PRKG1: variants seen among roughly 807,000 people sequenced by gnomAD.
The protein encoded by PRKG1 is cGMP-dependent protein kinase 1.
PRKG1 carries 35 observed loss-of-function variants against 88.1 expected under a neutral mutation model. The observed-to-expected ratio is 0.40, with a 90% CI of 0.30 to 0.53. PRKG1 has a LOEUF of 0.53. Among genes scored for constraint, PRKG1 ranks in the 20% least tolerant of loss-of-function variants. The pLI, the probability that PRKG1 is intolerant of heterozygous loss-of-function variation, is 0.59. For missense variants in PRKG1, 540 were observed against 839.8 expected, an observed-to-expected ratio of 0.64 and a Z score of 4.41; for synonymous variants, 303 against 292.5, an observed-to-expected ratio of 1.04 and a Z score of -0.37.
intron 7 of PRKG1, among the ~76,000 whole-genome samples, chr10:52,117,015 G>T (rs1262572421): frequency 6.6e-6 from 1 of 152,000 alleles, no homozygotes; most frequent in East Asian, 1.9e-4. Flanking sequence ...TAATGTAGTG[G>T]TTAATGCACC....
At chr10:51,487,568 C>T (rs1265340022) in intron 3 of PRKG1, among the ~76,000 whole-genome samples, 6 of 152,014 alleles carry the variant, frequency 3.9e-5, no homozygotes, top group Admixed American at 6.6e-5. Context: ...AATCCCTTTC[C>T]GTTGAGGATG....
intron 4 of PRKG1, among the ~76,000 whole-genome samples, chr10:51,820,739 C>T (rs1333034683): frequency 6.6e-6 from 1 of 152,202 alleles, no homozygotes; most frequent in Non-Finnish European, 1.5e-5. Flanking sequence ...TTTAAGCCTA[C>T]TGTACGCACT....
intron 7 of PRKG1, among the ~76,000 whole-genome samples, chr10:52,098,909 C>T (rs1193660704): frequency 6.6e-6 from 1 of 152,028 alleles, no homozygotes; most frequent in Non-Finnish European, 1.5e-5. Context: ...TCCATGAATG[C>T]CTTTATAATA....
chr10:51,665,554 A>G lies in PRKG1; in HGVS notation c.593-139031A>G, dbSNP rs544125418. ...TCCCTTTTCTCTTTTGTAAGCCAAGATTCTATTTTGTACCTAATTGTACAT... is the reference window on the plus strand; with the variant it reads ...TCCCTTTTCTCTTTTGTAAGCCAAGGTTCTATTTTGTACCTAATTGTACAT... On this transcript the variant is annotated intron_variant, in intron 3 of 17. Coordinates refer to ENST00000373980, the MANE Select transcript of PRKG1 (RefSeq NM_006258.4). 1.3e-3 allele frequency among the ~76,000 whole-genome samples: 197 copies of G among 152,262 alleles called. 1 individual carries two copies. The highest frequency in any genetic ancestry group is 6.9e-3 in the Middle Eastern group (2 of 290).
intron 2 of PRKG1, among the ~76,000 whole-genome samples, chr10:51,169,776 C>A (rs1373704784): frequency 6.6e-6 from 1 of 150,376 alleles, no homozygotes; most frequent in Non-Finnish European, 1.5e-5. Context: ...AGGAAATTAT[C>A]TAACCTTTTT....
At chr10:52,096,207 G>A (rs762076618) in intron 7 of PRKG1, among the ~76,000 whole-genome samples, 10 of 152,184 alleles carry the variant, frequency 6.6e-5, no homozygotes, top group Non-Finnish European at 1.3e-4. Flanking sequence ...GTCTCAGACT[G>A]TAGGCTTTAG....
chr10:50,999,117 A>G (rs1483154793), intron 1 of PRKG1, among the ~76,000 whole-genome samples: 1 of 152,188 alleles, frequency 6.6e-6, no homozygotes, highest in Non-Finnish European at 1.5e-5. Context: ...GTTTATATTG[A>G]CTCAAAAGTT....
chr10:51,891,694 A>G (rs548922330), intron 4 of PRKG1, among the ~76,000 whole-genome samples: 2 of 152,312 alleles, frequency 1.3e-5, no homozygotes, highest in Admixed American at 1.3e-4. Flanking sequence ...ATAGGTTTGC[A>G]GGTCATATGG....
Position 52,166,880 on chromosome 10 carries a change from TACACACACAC to T in PRKG1, c.1076+4945_1076+4954del, listed in dbSNP as rs143459696. On this transcript the variant is annotated intron_variant, in intron 9 of 17. Transcript: ENST00000373980. ...ATATATATCTGTATATGTGTATGTA[TACACACACAC>T]ACACACACACACACACACACACACA... Among the ~76,000 whole-genome samples the T allele has an allele frequency of 1.4e-3, 165 of 121,946 alleles. 1 individual carries two copies. The highest frequency in any genetic ancestry group is 6.7e-3 in the South Asian group (25 of 3,704). 80.0% of individuals were successfully genotyped at this position (121,946 alleles called of 152,430 possible). A position where few individuals can be genotyped will look rare whatever the true frequency, so the allele number is the denominator to read the frequency against.
intron 2 of PRKG1, among the ~76,000 whole-genome samples, chr10:51,315,608 TG>T (rs1841299112): frequency 6.6e-6 from 1 of 152,196 alleles, no homozygotes; most frequent in African/African-American, 2.4e-5. Flanking sequence ...TAAGCAATCC[TG>T]TAGGAAAATA....
rs117164226 is a variant in PRKG1 at position 51,034,132 on chromosome 10, T to C, written c.266+42488T>C. Among the ~76,000 whole-genome samples, 1,204 of 152,296 alleles carry C rather than the reference T, an allele frequency of 7.9e-3. 7 individuals carry two copies. Among genetic ancestry groups the C allele is most frequent in the Non-Finnish European group, 9.7e-3 (659 of 68,018 alleles). On this transcript the variant is annotated intron_variant, in intron 1 of 17. Transcript: ENST00000401604. ...GGACATTACAGTTATTAATTTGCTT[T>C]AAATATTTTTATTAGGTGGCAAGCA...
At chr10:52,216,572 G>A (rs527730957) in intron 9 of PRKG1, among the ~76,000 whole-genome samples, 2 of 152,140 alleles carry the variant, frequency 1.3e-5, no homozygotes, top group Non-Finnish European at 2.9e-5. Flanking sequence ...TATTAGCTTA[G>A]CCCCAGAATT....
rs60167378 is a variant in PRKG1 at position 52,263,578 on chromosome 10, A to ATTT, written c.1174-7758_1174-7756dup. Reference sequence around the variant, plus strand: ...AATACTCTCCATTCCAATCTCCAGGATTTTTTTTTTTTTTTTGAGACAGGG... The same window carrying ATTT: ...AATACTCTCCATTCCAATCTCCAGGATTTTTTTTTTTTTTTTTTTGAGACAGGG... On this transcript the variant is annotated intron_variant, in intron 10 of 17. Transcript: ENST00000373980. Among the ~76,000 whole-genome samples the ATTT allele has an allele frequency of 5.4e-3, 761 of 140,444 alleles. 3 individuals are homozygous for ATTT. The highest frequency in any genetic ancestry group is 0.019 in the African/African-American group (736 of 38,228). The allele number at this position is 140,444 out of a possible 152,430, so 92.1% of individuals were successfully genotyped here.
At chr10:51,508,555 T>TAAA (rs201289771) in intron 3 of PRKG1, among the ~76,000 whole-genome samples, 3 of 150,136 alleles carry the variant, frequency 2.0e-5, no homozygotes, top group Non-Finnish European at 3.0e-5. Context: ...TGACTTTTTT[T>TAAA]AAAAAAAAAA....
intron 14 of PRKG1, 68 bp from the exon 15 acceptor site, chr10:52,288,658 T>C: frequency 6.9e-7 from 1 of 1,456,096 alleles, no homozygotes; most frequent in Non-Finnish European, 9.2e-7. Flanking sequence ...GTGGAGTTTA[T>C]AGCAATTCAA....
intron 9 of PRKG1, among the ~76,000 whole-genome samples, chr10:52,226,805 T>C (rs920503043): frequency 1.3e-5 from 2 of 150,882 alleles, no homozygotes; most frequent in Non-Finnish European, 2.9e-5. Flanking sequence ...GAAAAAAAAA[T>C]ATGGAAAACT....
chr10:51,687,862 CAAT>C lies in PRKG1; in HGVS notation c.593-116719_593-116717del, dbSNP rs754532386. Among the ~76,000 whole-genome samples, 13 of 152,190 alleles carry C rather than the reference CAAT, an allele frequency of 8.5e-5. No individual in the cohort carries two copies. The East Asian group carries it at 1.2e-3, about 14-fold the overall frequency. ...ACATTCAGGTGTCTTCCCCAAACAACAATAATTTCAATTATGCTGTCTTAGGTT... is the reference window on the plus strand; with the variant it reads ...ACATTCAGGTGTCTTCCCCAAACAACAATTTCAATTATGCTGTCTTAGGTT... On this transcript the variant is annotated intron_variant, in intron 3 of 17. Coordinates refer to ENST00000373980, the MANE Select transcript of PRKG1 (RefSeq NM_006258.4).
At chr10:52,202,703 G>A (rs1839709677) in intron 9 of PRKG1, among the ~76,000 whole-genome samples, 1 of 150,192 alleles carries the variant, frequency 6.7e-6, no homozygotes, top group East Asian at 2.0e-4. Context: ...ATTTAATTTT[G>A]GAATATATTA....
intron 1 of PRKG1, among the ~76,000 whole-genome samples, chr10:51,129,825 T>A (rs1419894144): frequency 6.6e-6 from 1 of 152,090 alleles, no homozygotes; most frequent in East Asian, 1.9e-4. Context: ...GAAAGAAGGG[T>A]CACATTTTTC....
Sources: allele counts gnomAD v4.1 joint callset (sites outside exome capture counted in the v4.1 genomes callset), GRCh38; gene constraint gnomAD v4.1.1; transcripts MANE v1.5; gene names NCBI Gene and HGNC (gene_info 2026-07-23, HGNC 2026-07-21).